Variants in RNF180 observed in about 807,000 individuals in gnomAD.
The protein encoded by RNF180 is ring finger protein 180.
A neutral mutation model predicts 59.2 loss-of-function variants in RNF180; 38 were observed. The observed-to-expected ratio is 0.64, with a 90% confidence interval of 0.50 to 0.84. The LOEUF (loss-of-function observed/expected upper bound fraction) is 0.84. Ranked by LOEUF, RNF180 falls within the 40% of genes least tolerant of loss-of-function variation. The pLI, the probability that RNF180 is intolerant of heterozygous loss-of-function variation, is 0.00. For synonymous variants in RNF180, 262 were observed against 240.3 expected (o/e 1.09, Z -0.84); for missense variants, 705 against 700.9 (o/e 1.01, Z -0.07).
At chr5:64,309,659 A>C (rs1580224211) in intron 5 of RNF180, among the ~76,000 whole-genome samples, 1 of 151,352 alleles carries the variant, frequency 6.6e-6, no homozygotes, top group African/African-American at 2.4e-5. Context: ...ATTTTCTTTA[A>C]TATATTGAAG....
chr5:64,269,593 C>T (rs1311622459), intron 5 of RNF180, among the ~76,000 whole-genome samples: 1 of 152,080 alleles, frequency 6.6e-6, no homozygotes, highest in Non-Finnish European at 1.5e-5. Flanking sequence ...ACTGAAGGCC[C>T]TGCTATGTTT....
At chr5:64,259,107 C>T (rs1316676695) in intron 5 of RNF180, among the ~76,000 whole-genome samples, 3 of 152,050 alleles carry the variant, frequency 2.0e-5, no homozygotes, top group African/African-American at 4.8e-5. Context: ...TTAAATGGGG[C>T]GGGAGTGGGT....
At chr5:64,170,921 G>T (rs1173551216) in intron 1 of RNF180, among the ~76,000 whole-genome samples, 1 of 152,144 alleles carries the variant, frequency 6.6e-6, no homozygotes, top group East Asian at 1.9e-4. Context: ...AAGCCTTTTT[G>T]GTTCTGTGTC....
intron 5 of RNF180, among the ~76,000 whole-genome samples, chr5:64,295,568 T>C (rs1742842686): frequency 6.6e-6 from 1 of 152,178 alleles, no homozygotes; most frequent in African/African-American, 2.4e-5. Flanking sequence ...TACTCAGAAA[T>C]CCATGTCCTG....
In RNF180 at chr5:64,372,567, A is replaced by G. The variant is rs552338034; in HGVS notation, c.*2753A>G. The G allele has an allele frequency of 6.6e-6, 1 of 152,056 alleles. No individual in the cohort carries two copies. The highest frequency in any genetic ancestry group is 1.9e-4 in the East Asian group (1 of 5,152). 9.4% of individuals were successfully genotyped at this position (152,056 alleles called of 1,614,324 possible). ...AAATTTTCATTTAAATGTCTTTTGTATGGCTAAATGAATATACAGATTCTT... is the reference window on the plus strand; with the variant it reads ...AAATTTTCATTTAAATGTCTTTTGTGTGGCTAAATGAATATACAGATTCTT... On this transcript the variant is annotated 3_prime_UTR_variant, in exon 8 of 8. Transcript: ENST00000389100.
intron 7 of RNF180, among the ~76,000 whole-genome samples, chr5:64,355,676 G>T (rs1745990280): frequency 6.6e-6 from 1 of 151,906 alleles, no homozygotes; most frequent in Non-Finnish European, 1.5e-5. Flanking sequence ...TCAAAACAGT[G>T]TAGTACTGCC....
At chr5:64,182,151 T>C (rs1211467071) in intron 1 of RNF180, among the ~76,000 whole-genome samples, 3 of 151,890 alleles carry the variant, frequency 2.0e-5, no homozygotes, top group Non-Finnish European at 2.9e-5. Context: ...CCACCACGCC[T>C]GGCTAATTTT....
rs75330408 is a variant in RNF180, at chr5:64,305,522, T to G, written c.1228-19664T>G. ...TTTTGCTCTATATCGTCTGCCAGTT[T>G]ACTACAGGTGACAGTTTTACCATAT... is the stretch of plus-strand genomic sequence containing the variant. On this transcript the variant is annotated intron_variant, in intron 5 of 7. Transcript: ENST00000389100. Among the ~76,000 whole-genome samples, 226 of 151,678 alleles carry G rather than the reference T, an allele frequency of 1.5e-3. 1 individual carries two copies. Among genetic ancestry groups the G allele is most frequent in the African/African-American group, 5.2e-3 (217 of 41,458 alleles).
chr5:64,285,419 A>G (rs1341869187), intron 5 of RNF180, among the ~76,000 whole-genome samples: 2 of 151,898 alleles, frequency 1.3e-5, no homozygotes. Flanking sequence ...AGAGGAGGCA[A>G]GGTCTACCCA....
At chr5:64,329,259 T>C (rs1319886369) in intron 6 of RNF180, among the ~76,000 whole-genome samples, 1 of 152,160 alleles carries the variant, frequency 6.6e-6, no homozygotes, top group Non-Finnish European at 1.5e-5. Context: ...ATTCTGTTGT[T>C]ACACTCATAA....
intron 5 of RNF180, among the ~76,000 whole-genome samples, chr5:64,260,940 CT>C (rs77043934): frequency 0.026 from 3,558 of 136,932 alleles, 74 homozygotes; most frequent in African/African-American, 0.057. Flanking sequence ...TCAGTTTCCT[CT>C]TTTTTTTTTT....
At chr5:64,300,075 A>C (rs1182140039) in intron 5 of RNF180, among the ~76,000 whole-genome samples, 1 of 151,754 alleles carries the variant, frequency 6.6e-6, no homozygotes, top group Non-Finnish European at 1.5e-5. Flanking sequence ...TATTTTACTT[A>C]CTGATGATCC....
At chr5:64,364,898 T>A (rs1746389391) in intron 7 of RNF180, among the ~76,000 whole-genome samples, 1 of 151,588 alleles carries the variant, frequency 6.6e-6, no homozygotes, top group East Asian at 1.9e-4. Context: ...TGTATTTCTG[T>A]GGAGTCAGTG....
At chr5:64,270,628 T>C (rs1007763474) in intron 5 of RNF180, among the ~76,000 whole-genome samples, 2 of 152,140 alleles carry the variant, frequency 1.3e-5, no homozygotes, top group South Asian at 2.1e-4. Context: ...GAGTAATTTG[T>C]CTAAGATCAC....
intron 5 of RNF180, among the ~76,000 whole-genome samples, chr5:64,249,149 T>C (rs1743393360): frequency 6.6e-6 from 1 of 152,126 alleles, no homozygotes; most frequent in Non-Finnish European, 1.5e-5. Flanking sequence ...AAATACCTAA[T>C]GTAGGTGACG....
chr5:64,214,543 A>G, intron 4 of RNF180, 26 bp downstream of exon 4: 1 of 1,590,486 alleles, frequency 6.3e-7, no homozygotes, highest in Non-Finnish European at 8.6e-7. Context: ...AGAGTTTACT[A>G]AAAATCTGTA....
intron 4 of RNF180, among the ~76,000 whole-genome samples, chr5:64,214,833 G>A (rs1415812879): frequency 2.0e-5 from 3 of 152,048 alleles, no homozygotes; most frequent in African/African-American, 7.2e-5. Context: ...TGACATATTA[G>A]GATTGTTTTG....
At chr5:64,256,831 C>G (rs189506994) in intron 5 of RNF180, among the ~76,000 whole-genome samples, 2 of 152,070 alleles carry the variant, frequency 1.3e-5, no homozygotes, top group African/African-American at 2.4e-5. Context: ...TTCCTATCCA[C>G]AAGCATGGAA....
At chr5:64,239,435 C>G (rs962807064) in intron 5 of RNF180, among the ~76,000 whole-genome samples, 4 of 152,122 alleles carry the variant, frequency 2.6e-5, no homozygotes, top group African/African-American at 9.7e-5. Context: ...GTTACATTTT[C>G]CTGTCTGCTA....
Sources: gnomAD v4.1 joint callset for allele counts (sites outside exome capture counted in the v4.1 genomes callset) on GRCh38, gnomAD v4.1.1 for gene constraint, MANE v1.5 for transcripts, NCBI Gene and HGNC (gene_info 2026-07-23, HGNC 2026-07-21) for gene names.